The following NRG1 variants were observed in gnomAD, a reference collection of about 807,000 sequenced individuals.
NRG1 encodes pro-neuregulin-1, membrane-bound isoform.
NRG1 carries 18 observed loss-of-function variants against 63.8 expected under a neutral mutation model. The observed-to-expected ratio is 0.28, with a 90% CI of 0.19 to 0.42. The LOEUF is 0.42. Ranked by LOEUF, NRG1 falls within the 10% of genes least tolerant of loss-of-function variation. NRG1 has a pLI of 1.00. For synonymous variants in NRG1, 302 were observed against 301.3 expected (o/e 1.00, Z -0.02); for missense variants, 762 against 814.7 (o/e 0.94, Z 0.79).
chr8:31,912,179 A>G (rs900789951), intron 1 of NRG1, among the ~76,000 whole-genome samples: 1 of 152,208 alleles, frequency 6.6e-6, no homozygotes, highest in African/African-American at 2.4e-5. Context: ...GCAATCATGT[A>G]TAGAAAAGCA....
At chr8:32,108,019 TC>T (rs1205700729) in intron 1 of NRG1, among the ~76,000 whole-genome samples, 1 of 152,218 alleles carries the variant, frequency 6.6e-6, no homozygotes, top group Admixed American at 6.5e-5. Flanking sequence ...CACTATATAT[TC>T]ATAAAGTACT....
intron 5 of NRG1, chr8:32,647,841 C>A (rs1294132750): frequency 1.2e-6 from 2 of 1,613,886 alleles, no homozygotes; most frequent in African/African-American, 2.7e-5. Flanking sequence ...GCCAGAGCCC[C>A]AGACTGAAGA....
At chr8:32,476,393 T>G (rs1202346703) in intron 1 of NRG1, among the ~76,000 whole-genome samples, 1 of 152,254 alleles carries the variant, frequency 6.6e-6, no homozygotes, top group Non-Finnish European at 1.5e-5. Flanking sequence ...TATGTGCTCA[T>G]AGGCATCAAG....
chr8:32,307,823 C>A (rs1856386173), intron 1 of NRG1, among the ~76,000 whole-genome samples: 1 of 151,738 alleles, frequency 6.6e-6, no homozygotes, highest in African/African-American at 2.4e-5. Flanking sequence ...TTACCTCTCA[C>A]AACCTCTCTC....
chr8:32,674,263 C>T (rs988636705), intron 5 of NRG1, among the ~76,000 whole-genome samples: 1 of 152,020 alleles, frequency 6.6e-6, no homozygotes, highest in Non-Finnish European at 1.5e-5. Context: ...ATTCAAAGTC[C>T]AAGACATGAA....
intron 1 of NRG1, among the ~76,000 whole-genome samples, chr8:32,403,516 G>A (rs1813520291): frequency 6.6e-6 from 1 of 152,054 alleles, no homozygotes; most frequent in Non-Finnish European, 1.5e-5. Flanking sequence ...ACTTTTATAA[G>A]ATAAAAGAGC....
At chr8:32,187,768 A>C (rs1842107623) in intron 1 of NRG1, among the ~76,000 whole-genome samples, 1 of 152,172 alleles carries the variant, frequency 6.6e-6, no homozygotes, top group South Asian at 2.1e-4. Flanking sequence ...AATCTTACTA[A>C]CAGGCTTAGA....
At chr8:32,045,790 T>C (rs2130745173) in intron 1 of NRG1, among the ~76,000 whole-genome samples, 1 of 152,030 alleles carries the variant, frequency 6.6e-6, no homozygotes, top group Admixed American at 6.6e-5. Flanking sequence ...TCCTCACATA[T>C]TATGCAAAAA....
rs117968365 is a variant in NRG1 at position 31,698,811 on chromosome 8, G to C, written c.37+59380G>C. Among the ~76,000 whole-genome samples, 625 of 152,260 alleles carry C rather than the reference G, an allele frequency of 4.1e-3. 2 individuals are homozygous for C. Among genetic ancestry groups the C allele is most frequent in the South Asian group, 0.027 (128 of 4,820 alleles). On this transcript the variant is annotated intron_variant, in intron 1 of 10. Transcript: ENST00000519301. Reference sequence around the variant, plus strand: ...ACTTGTAATGTTAATATAAATCTTTGTTTTCATCAGAAATTCCTGAAAAGC... The same window carrying C: ...ACTTGTAATGTTAATATAAATCTTTCTTTTCATCAGAAATTCCTGAAAAGC...
At chr8:31,672,894 A>G (rs1017389460) in intron 1 of NRG1, among the ~76,000 whole-genome samples, 1 of 151,370 alleles carries the variant, frequency 6.6e-6, no homozygotes, top group African/African-American at 2.4e-5. Flanking sequence ...TCCAAGATAT[A>G]TTTTACATTC....
At chr8:32,438,044 C>G (rs1293850682) in intron 1 of NRG1, among the ~76,000 whole-genome samples, 3 of 151,920 alleles carry the variant, frequency 2.0e-5, no homozygotes, top group African/African-American at 7.3e-5. Flanking sequence ...TACTTTTTAC[C>G]CAGTTTCCTC....
chr8:31,640,824 A>G lies in NRG1; in HGVS notation c.37+1393A>G. ...GGCTCGACGGCCGCCCGAGCAAGGC[A>G]GAGGCGCTCTGGGTCCCAGTTGTTG... is the stretch of plus-strand genomic sequence containing the variant. On this transcript the variant is annotated intron_variant, in intron 1 of 10. Transcript: ENST00000519301. This position sits in a 1 kb window ranked among gnomAD's most constrained non-coding sequence, Gnocchi z 6.3. 7.1e-7 allele frequency: 1 copy of G among 1,416,362 alleles called. No individual in the cohort carries two copies. Among genetic ancestry groups the G allele is most frequent in the South Asian group, 1.6e-5 (1 of 63,988 alleles). 87.7% of individuals were successfully genotyped at this position (1,416,362 alleles called of 1,614,324 possible).
At chr8:32,276,945 C>T (rs1487145) in intron 1 of NRG1, among the ~76,000 whole-genome samples, 109,970 of 152,106 alleles carry the variant, frequency 0.72, 40,755 homozygotes, top group African/African-American at 0.9. Context: ...CTGCTGCCCA[C>T]GTGGAAACAT....
intron 1 of NRG1, among the ~76,000 whole-genome samples, chr8:32,556,306 G>A (rs751986309): frequency 1.3e-4 from 20 of 152,140 alleles, no homozygotes; most frequent in Non-Finnish European, 2.5e-4. Flanking sequence ...GATAATTGAA[G>A]CAGTAACATT....
rs1803702583 is a variant in NRG1 at position 31,640,895 on chromosome 8, C to A, written c.37+1464C>A. On this transcript the variant is annotated intron_variant, in intron 1 of 10. Transcript: ENST00000519301. This position sits in a 1 kb window ranked among gnomAD's most constrained non-coding sequence, Gnocchi z 6.3. ...CAGCGATCCTCAGAGAGGGAGGTTT[C>A]GCTTTCTCCAGCTTCCCTTGTCTTA... Among the ~76,000 whole-genome samples the A allele has an allele frequency of 6.6e-6, 1 of 152,216 alleles. No homozygotes were observed. The highest frequency in any genetic ancestry group is 2.1e-4 in the South Asian group (1 of 4,836).
chr8:32,526,869 C>G (rs1204682608), intron 1 of NRG1, among the ~76,000 whole-genome samples: 1 of 152,088 alleles, frequency 6.6e-6, no homozygotes, highest in African/African-American at 2.4e-5. Context: ...ATTTTTCTTC[C>G]TTTTGGAGGG....
chr8:31,809,893 C>T (rs73242152), intron 1 of NRG1, among the ~76,000 whole-genome samples: 5,525 of 151,114 alleles, frequency 0.037, 139 homozygotes, highest in Non-Finnish European at 0.056. Context: ...TGCCTTTAAC[C>T]GCAGTCTCAT....
chr8:31,670,938 T>C (rs1264307188), intron 1 of NRG1, among the ~76,000 whole-genome samples: 1 of 152,232 alleles, frequency 6.6e-6, no homozygotes, highest in Non-Finnish European at 1.5e-5. Context: ...AGGTACTTTT[T>C]CAGTTCTCAC....
At chr8:32,145,370 G>A (rs1481809454) in intron 1 of NRG1, among the ~76,000 whole-genome samples, 2 of 152,056 alleles carry the variant, frequency 1.3e-5, no homozygotes, top group East Asian at 3.9e-4. Context: ...GATGAAGAGG[G>A]CACTTATATA....
Sources: allele counts gnomAD v4.1 joint callset (sites outside exome capture counted in the v4.1 genomes callset), GRCh38; gene constraint gnomAD v4.1.1; non-coding constraint Gnocchi (gnomAD v3.1); transcripts MANE v1.5; gene names NCBI Gene and HGNC (gene_info 2026-07-23, HGNC 2026-07-21).